The following PAXIP1 variants were observed in gnomAD, a reference collection of about 807,000 sequenced individuals.
PAXIP1 encodes the protein PAX interacting protein 1, also known as PAX-interacting protein 1.
A neutral mutation model predicts 140.6 loss-of-function variants in PAXIP1; 19 were observed. The observed-to-expected ratio is 0.14, with a 90% CI of 0.09 to 0.20. PAXIP1 has a LOEUF of 0.20. Ranked by LOEUF, PAXIP1 falls within the 10% of genes least tolerant of loss-of-function variation. The pLI, the probability that PAXIP1 is intolerant of heterozygous loss-of-function variation, is 1.00. For synonymous variants in PAXIP1, 442 were observed against 444.6 expected, an observed-to-expected ratio of 0.99 and a Z score of 0.07; for missense variants, 920 against 1,208.6, an observed-to-expected ratio of 0.76 and a Z score of 3.54.
In PAXIP1 at chr7:154,954,439, A is replaced by G; in HGVS notation, c.2653-16T>C. 3 of 1,494,420 alleles carry G rather than the reference A, an allele frequency of 2.0e-6. No individual in the cohort carries two copies. The highest frequency in any genetic ancestry group is 1.8e-6 in the Non-Finnish European group (2 of 1,106,096). The allele number at this position is 1,494,420 out of a possible 1,614,324, so 92.6% of individuals were successfully genotyped here. A position where few individuals can be genotyped will look rare whatever the true frequency, so the allele number is the denominator to read the frequency against. On this transcript the variant is annotated splice_polypyrimidine_tract_variant and intron_variant, in intron 15 of 20. Transcript: ENST00000404141. This position sits in a 1 kb window ranked among gnomAD's most constrained non-coding sequence, Gnocchi z 5.1. Reference sequence around the variant, plus strand: ...TGTAGAGCTTCTAAAGGTCACAAACACAGGTCGGAAATGAAAAAGTTCAGC... The same window carrying G: ...TGTAGAGCTTCTAAAGGTCACAAACGCAGGTCGGAAATGAAAAAGTTCAGC...
chr7:154,960,801 A>C, intron 12 of PAXIP1, 92 bp downstream of exon 12: 11 of 850,760 alleles, frequency 1.3e-5, no homozygotes, highest in East Asian at 2.9e-5. Context: ...AGCTCAAGCC[A>C]GGCCTGGTAA....
chr7:154,978,937 C>T (rs1809722352), intron 5 of PAXIP1, among the ~76,000 whole-genome samples: 1 of 152,136 alleles, frequency 6.6e-6, no homozygotes, highest in Non-Finnish European at 1.5e-5. Flanking sequence ...TGGCATTTCA[C>T]ATTTCAGAAA....
In PAXIP1 at chr7:154,963,853, C is replaced by G; in HGVS notation, c.1894-87G>C. On this transcript the variant is annotated intron_variant, in intron 8 of 20. Transcript: ENST00000404141. The surrounding 1 kb of genome is among the most constrained non-coding windows in gnomAD (Gnocchi z 4.1). ...TTCAAATAAGGCAGCTATTAAAAGA[C>G]TCTATCATATATTTATATCATGTAT... 1 of 829,502 alleles carries G rather than the reference C, an allele frequency of 1.2e-6. No individual in the cohort carries two copies. The highest frequency in any genetic ancestry group is 1.5e-5 in the South Asian group (1 of 68,940). 51.4% of individuals were successfully genotyped at this position (829,502 alleles called of 1,614,324 possible). A position where few individuals can be genotyped will look rare whatever the true frequency, so the allele number is the denominator to read the frequency against.
At chr7:154,970,986 C>G (rs1358275248) in intron 6 of PAXIP1, among the ~76,000 whole-genome samples, 1 of 152,216 alleles carries the variant, frequency 6.6e-6, no homozygotes, top group African/African-American at 2.4e-5. Flanking sequence ...AAATGCTGCT[C>G]CCCGCCTCTC....
chr7:154,962,004 C>T (rs1808775873), intron 10 of PAXIP1, among the ~76,000 whole-genome samples: 1 of 152,332 alleles, frequency 6.6e-6, no homozygotes, highest in Non-Finnish European at 1.5e-5. Flanking sequence ...AGTGGGAAGA[C>T]CCACAACTAT....
In PAXIP1 at chr7:154,954,428, AG is replaced by A. The variant is rs1168984514; in HGVS notation, c.2653-6del. ...TCCACCAAGAATGTAGAGCTTCTAA[AG>A]GTCACAAACACAGGTCGGAAATGAA... is the stretch of plus-strand genomic sequence containing the variant. On this transcript the variant is annotated splice_polypyrimidine_tract_variant and splice_region_variant and intron_variant, in intron 15 of 20. Coordinates refer to ENST00000404141, the MANE Select transcript of PAXIP1 (RefSeq NM_007349.4). This position sits in a 1 kb window ranked among gnomAD's most constrained non-coding sequence, Gnocchi z 5.1. The A allele has an allele frequency of 1.3e-6, 2 of 1,527,634 alleles. No homozygotes were observed. Among genetic ancestry groups the A allele is most frequent in the Non-Finnish European group, 1.8e-6 (2 of 1,124,292 alleles). The allele number at this position is 1,527,634 out of a possible 1,614,324, so 94.6% of individuals were successfully genotyped here. A position where few individuals can be genotyped will look rare whatever the true frequency, so the allele number is the denominator to read the frequency against.
chr7:154,983,097 A>G (rs892566869), intron 5 of PAXIP1, 122 bp downstream of exon 5: 2 of 576,908 alleles, frequency 3.5e-6, no homozygotes, highest in African/African-American at 3.8e-5. Flanking sequence ...AATATAAACC[A>G]ATATAATCAG....
rs552593351 is a variant in PAXIP1 at position 154,955,697 on chromosome 7, G to C, written c.2550-66C>G. ...TTACTTACAATGAAAATTTTCTTTA[G>C]AAAACAAGGGATTTCATTAGTTTAA... On this transcript the variant is annotated intron_variant, in intron 14 of 20. Transcript: ENST00000404141. 8.6e-5 allele frequency: 74 copies of C among 860,412 alleles called. 1 individual carries two copies. In the African/African-American group the frequency reaches 9.7e-4, roughly 11 times the overall value. 53.3% of individuals were successfully genotyped at this position (860,412 alleles called of 1,614,324 possible). A position where few individuals can be genotyped will look rare whatever the true frequency, so the allele number is the denominator to read the frequency against.
chr7:154,947,989 T>G lies in PAXIP1; in HGVS notation c.2836A>C (p.Ile946Leu). ...ACTTCTGCCTCAGCATCTCGGAGAA[T>G]GTAGTTCTGCTCATCTGGAAAACAG... ...CQKFIDEQNYILRDAEAEVLF... is the reference protein window; with the variant it reads ...CQKFIDEQNYLLRDAEAEVLF... Residue 946 changes from isoleucine (I) to leucine (L), a missense_variant, in exon 17 of 21, where the codon ATT becomes CTT. Around this residue, in one of 5 missense-constraint regions of PAXIP1, gnomAD observed 303 missense variants for 517.9 expected, o/e 0.59. Coordinates refer to ENST00000404141, the MANE Select transcript of PAXIP1 (RefSeq NM_007349.4). 1 of 1,612,070 alleles carries G rather than the reference T, an allele frequency of 6.2e-7. No individual in the cohort carries two copies. Among genetic ancestry groups the G allele is most frequent in the Non-Finnish European group, 8.5e-7 (1 of 1,178,122 alleles).
chr7:154,966,706 T>C (rs1199057260), intron 8 of PAXIP1, among the ~76,000 whole-genome samples: 1 of 152,200 alleles, frequency 6.6e-6, no homozygotes, highest in Non-Finnish European at 1.5e-5. Context: ...GCCATCCGCC[T>C]CTTTCCTCAG....
chr7:154,953,840 A>G (rs1808392124), intron 16 of PAXIP1, among the ~76,000 whole-genome samples: 1 of 152,188 alleles, frequency 6.6e-6, no homozygotes, highest in African/African-American at 2.4e-5. Context: ...GCAAGAGGAC[A>G]TAGATGTCTT....
chr7:154,945,554 T>G, intron 20 of PAXIP1: 1 of 985,370 alleles, frequency 1.0e-6, no homozygotes, highest in Non-Finnish European at 1.2e-6. Flanking sequence ...ATTCCCCTGC[T>G]TAAGGAAAGG....
chr7:154,976,357 A>G (rs1262854613), intron 5 of PAXIP1, 26 bp from the exon 6 acceptor site: 4 of 1,528,380 alleles, frequency 2.6e-6, no homozygotes, highest in Non-Finnish European at 3.5e-6. Context: ...AAACACACAC[A>G]AAACAAAGCT....
At chr7:154,997,350 T>A (rs1810683949) in intron 2 of PAXIP1, among the ~76,000 whole-genome samples, 2 of 152,238 alleles carry the variant, frequency 1.3e-5, no homozygotes, top group Admixed American at 1.3e-4. Flanking sequence ...ACTCCTGGCC[T>A]CAAACAATCC....
rs944358685 is a variant in PAXIP1, at chr7:154,973,700, C to T, written c.1074+1996G>A. Among the ~76,000 whole-genome samples the T allele has an allele frequency of 2.0e-5, 3 of 152,206 alleles. No individual in the cohort carries two copies. The highest frequency in any genetic ancestry group is 7.2e-5 in the African/African-American group (3 of 41,456). ...TTTCTAAACACTACGTAAACCACTG[C>T]TATTATCATACCCAATAAAATGATC... On this transcript the variant is annotated intron_variant, in intron 6 of 20. Coordinates refer to ENST00000404141, the MANE Select transcript of PAXIP1 (RefSeq NM_007349.4). This position sits in a 1 kb window ranked among gnomAD's most constrained non-coding sequence, Gnocchi z 4.0.
Position 155,002,988 on chromosome 7 carries a change from C to T in PAXIP1, c.-59G>A. ...CCCGGCCCCGCCCACCCCCCGCCCC[C>T]GGCCCCCGCGGCGCCCGGCGCCCCC... On this transcript the variant is annotated 5_prime_UTR_variant, in exon 1 of 21. Coordinates refer to ENST00000404141, the MANE Select transcript of PAXIP1 (RefSeq NM_007349.4). The T allele has an allele frequency of 1.4e-6, 1 of 719,816 alleles. No individual in the cohort carries two copies. Among genetic ancestry groups the T allele is most frequent in the Non-Finnish European group, 1.7e-6 (1 of 592,458 alleles). 44.6% of individuals were successfully genotyped at this position (719,816 alleles called of 1,614,324 possible). A position where few individuals can be genotyped will look rare whatever the true frequency, so the allele number is the denominator to read the frequency against.
Position 154,944,114 on chromosome 7 carries a change from C to G in PAXIP1, c.*35G>C. ...GCCAGCCAGACAGCCAGCCCCGCAC[C>G]GCAGGAGTCGACATGCACGGCAGCC... On this transcript the variant is annotated 3_prime_UTR_variant, in exon 21 of 21. Transcript: ENST00000404141. 1.9e-6 allele frequency: 3 copies of G among 1,610,694 alleles called. 1 individual carries two copies. The highest frequency in any genetic ancestry group is 8.5e-7 in the Non-Finnish European group (1 of 1,177,934).
intron 14 of PAXIP1, 115 bp downstream of exon 14, chr7:154,957,109 T>G: frequency 1.8e-6 from 1 of 566,370 alleles, no homozygotes; most frequent in Non-Finnish European, 3.2e-6. Flanking sequence ...AAAAGCAAAC[T>G]CTTTCAAATC....
At position 154,956,067 on chromosome 7, in the gene PAXIP1, T is replaced by C. The variant is rs535774615; in HGVS notation, c.2550-436A>G. ...TCCTTGTTTGCACGTTCACCATCAA[T>C]ACAAGTCAGCCAAGACGAGTGTCGC... On this transcript the variant is annotated intron_variant, in intron 14 of 20. Transcript: ENST00000404141. The surrounding 1 kb of genome is among the most constrained non-coding windows in gnomAD (Gnocchi z 4.2). 1.3e-5 allele frequency among the ~76,000 whole-genome samples: 2 copies of C among 152,340 alleles called. No homozygotes were observed. The highest frequency in any genetic ancestry group is 2.4e-5 in the African/African-American group (1 of 41,586).
Sources: gnomAD v4.1 joint callset for allele counts (sites outside exome capture counted in the v4.1 genomes callset) on GRCh38, gnomAD v4.1.1 for gene constraint, gnomAD v4.1.1 regional missense constraint, Gnocchi (gnomAD v3.1) non-coding constraint, MANE v1.5 for transcripts, NCBI Gene and HGNC (gene_info 2026-07-23, HGNC 2026-07-21) for gene names.